The following COL27A1 variants were observed in gnomAD, a reference collection of about 807,000 sequenced individuals.
COL27A1 encodes the protein collagen type XXVII alpha 1 chain.
Under a neutral mutation model 251.3 loss-of-function variants are expected in COL27A1, and 106 were observed. The ratio of observed to expected loss-of-function variants is 0.42; its 90% CI spans 0.36 to 0.50. COL27A1 has a LOEUF of 0.50. COL27A1 is among the 20% of genes least tolerant of loss of function. The probability of loss-of-function intolerance (pLI) is 0.00; values close to 1 mark genes in which losing one functional copy is unlikely to be tolerated. For synonymous variants in COL27A1, 1,000 were observed against 986.3 expected (o/e 1.01, Z -0.26); for missense variants, 2,325 against 2,522.8 (o/e 0.92, Z 1.68).
At chr9:114,187,815 T>C (rs903485957) in intron 5 of COL27A1, among the ~76,000 whole-genome samples, 7 of 152,356 alleles carry the variant, frequency 4.6e-5, no homozygotes, top group Admixed American at 3.9e-4. Flanking sequence ...TAAAAAAAAA[T>C]CAGTTCCACT....
intron 2 of COL27A1, among the ~76,000 whole-genome samples, chr9:114,163,856 G>A (rs1263674894): frequency 6.7e-6 from 1 of 148,524 alleles, no homozygotes; most frequent in Non-Finnish European, 1.5e-5. Context: ...AGTCACTGGG[G>A]CGGGGGGCGG....
At chr9:114,202,999 G>A (rs1372790227) in intron 7 of COL27A1, among the ~76,000 whole-genome samples, 2 of 152,150 alleles carry the variant, frequency 1.3e-5, no homozygotes. Context: ...CCAATTTTAA[G>A]TGTACAGTTC....
At chr9:114,256,496 A>C (rs1300851548) in intron 27 of COL27A1, among the ~76,000 whole-genome samples, 1 of 152,112 alleles carries the variant, frequency 6.6e-6, no homozygotes, top group African/African-American at 2.4e-5. Context: ...CCATCTCAAC[A>C]AAAAAAGATT....
At chr9:114,277,941 C>G (rs1346955307) in intron 37 of COL27A1, among the ~76,000 whole-genome samples, 1 of 152,166 alleles carries the variant, frequency 6.6e-6, no homozygotes, top group Non-Finnish European at 1.5e-5. Flanking sequence ...AACCAGAGTC[C>G]TGAGGTTGAA....
intron 49 of COL27A1, among the ~76,000 whole-genome samples, chr9:114,297,184 A>G (rs1828312495): frequency 1.3e-5 from 2 of 152,212 alleles, no homozygotes; most frequent in South Asian, 4.1e-4. Flanking sequence ...AGATTATACA[A>G]TTTAAATAGT....
At chr9:114,210,298 C>T (rs1363460210) in intron 11 of COL27A1, among the ~76,000 whole-genome samples, 1 of 152,204 alleles carries the variant, frequency 6.6e-6, no homozygotes, top group Non-Finnish European at 1.5e-5. Context: ...ACCGTATGGC[C>T]CACAGAGCCA....
At chr9:114,308,002 ATTCT>A (rs1829179156) in intron 59 of COL27A1, among the ~76,000 whole-genome samples, 1 of 152,226 alleles carries the variant, frequency 6.6e-6, no homozygotes, top group African/African-American at 2.4e-5. Flanking sequence ...GATGCTGATG[ATTCT>A]TTCTTCAAAT....
Position 114,304,604 on chromosome 9 carries a change from C to T in COL27A1, c.4873-4C>T. ...GATACATACCCTGTCTTTTCCTTGC[C>T]CAGCAACAAGATGATCTTGGGGCAG... On this transcript the variant is annotated splice_polypyrimidine_tract_variant and splice_region_variant and intron_variant, in intron 56 of 60. Transcript: ENST00000356083. The T allele has an allele frequency of 6.2e-7, 1 of 1,614,082 alleles. No individual in the cohort carries two copies. Among genetic ancestry groups the T allele is most frequent in the South Asian group, 1.1e-5 (1 of 91,086 alleles).
rs767276032 is a variant in COL27A1 at position 114,195,966 on chromosome 9, T to C, written c.2078T>C (p.Met693Thr). Residue 693 changes from methionine (M) to threonine (T), a missense_variant, in exon 7 of 61, where the codon ATG (methionine) becomes ACG (threonine). Met to Thr is a moderately conservative substitution (Grantham distance 81). Transcript: ENST00000356083. ...GKAHDGAKGD[M>T]GLPGLSGNPG... ...CTTGTCTGTGTCTTCCAGGGTGACATGGGCTTGCCTGGGCTCTCCGGGAAT... is the reference window on the plus strand; with the variant it reads ...CTTGTCTGTGTCTTCCAGGGTGACACGGGCTTGCCTGGGCTCTCCGGGAAT... 1 of 1,613,690 alleles carries C rather than the reference T, an allele frequency of 6.2e-7. No homozygotes were observed. Among genetic ancestry groups the C allele is most frequent in the Admixed American group, 1.7e-5 (1 of 60,030 alleles).
chr9:114,193,003 T>TTG (rs1344162480), intron 5 of COL27A1, among the ~76,000 whole-genome samples: 7 of 151,276 alleles, frequency 4.6e-5, no homozygotes, highest in Middle Eastern at 3.4e-3. Flanking sequence ...TGGCGTGTGT[T>TTG]TGTGTGTGTG....
At chr9:114,287,103 C>A (rs1320286732) in intron 41 of COL27A1, among the ~76,000 whole-genome samples, 1 of 152,154 alleles carries the variant, frequency 6.6e-6, no homozygotes, top group Non-Finnish European at 1.5e-5. Flanking sequence ...CTCCTTGGGC[C>A]ACCCCTCTAG....
intron 28 of COL27A1, among the ~76,000 whole-genome samples, chr9:114,263,348 T>TG (rs1329498074): frequency 6.6e-6 from 1 of 152,108 alleles, no homozygotes; most frequent in Non-Finnish European, 1.5e-5. Context: ...TCCTTTTATC[T>TG]GGGGGAGTAT....
chr9:114,254,077 A>G (rs1388488061), intron 27 of COL27A1, among the ~76,000 whole-genome samples: 3 of 152,116 alleles, frequency 2.0e-5, no homozygotes, highest in Non-Finnish European at 1.5e-5. Flanking sequence ...GGCAGCAAGA[A>G]AGGTAGAAAG....
chr9:114,257,372 G>C (rs149054135), intron 27 of COL27A1, among the ~76,000 whole-genome samples: 2 of 151,952 alleles, frequency 1.3e-5, no homozygotes, highest in South Asian at 4.2e-4. Flanking sequence ...GGGTGGGGGC[G>C]GGGGAGACAT....
intron 16 of COL27A1, 131 bp from the exon 17 acceptor site, chr9:114,235,468 A>T: frequency 1.3e-6 from 1 of 774,162 alleles, no homozygotes; most frequent in Non-Finnish European, 2.4e-6. Flanking sequence ...TCCTCTCACA[A>T]GGCTGCTGCT....
chr9:114,267,201 A>G (rs914447741), intron 33 of COL27A1, among the ~76,000 whole-genome samples: 9 of 152,244 alleles, frequency 5.9e-5, no homozygotes, highest in Admixed American at 1.3e-4. Flanking sequence ...TCTTTTTGTG[A>G]ATCATGAAAT....
chr9:114,179,990 C>T (rs1052402881), intron 4 of COL27A1, among the ~76,000 whole-genome samples: 2 of 152,032 alleles, frequency 1.3e-5, no homozygotes, highest in African/African-American at 4.8e-5. Context: ...AAGCACACGC[C>T]CCCGGGCCCA....
At chr9:114,221,334 C>A (rs933074296) in intron 13 of COL27A1, among the ~76,000 whole-genome samples, 1 of 152,172 alleles carries the variant, frequency 6.6e-6, no homozygotes, top group African/African-American at 2.4e-5. Flanking sequence ...TCCCTCAATA[C>A]AGCATTTGTT....
intron 40 of COL27A1, 79 bp from the exon 41 acceptor site, chr9:114,284,645 G>A: frequency 2.0e-6 from 3 of 1,472,030 alleles, no homozygotes; most frequent in Non-Finnish European, 2.9e-6. Context: ...TTGCAGCCCA[G>A]TATCCCCATC....
Sources: allele counts gnomAD v4.1 joint callset (sites outside exome capture counted in the v4.1 genomes callset), GRCh38; gene constraint gnomAD v4.1.1; transcripts MANE v1.5; gene names NCBI Gene and HGNC (gene_info 2026-07-23, HGNC 2026-07-21).